Variants in SMARCA4 observed in about 807,000 individuals in gnomAD.
SMARCA4 encodes the protein SWI/SNF related BAF chromatin remodeling complex subunit ATPase 4.
In SMARCA4, 31 loss-of-function variants were observed where a neutral mutation model predicts 193.9. The observed-to-expected ratio is 0.16, with a 90% confidence interval of 0.12 to 0.22. SMARCA4 has a LOEUF of 0.22. SMARCA4 is among the 10% of genes least tolerant of loss of function. The pLI is 1.00. For synonymous variants in SMARCA4, 942 were observed against 933.1 expected, an observed-to-expected ratio of 1.01 and a Z score of -0.17; for missense variants, 1,148 against 2,296.0, an observed-to-expected ratio of 0.50 and a Z score of 10.22.
In SMARCA4 at chr19:10,987,021, T is replaced by C. The variant is rs765237912; in HGVS notation, c.859+18T>C. On this transcript the variant is annotated intron_variant, in intron 5 of 34. Coordinates refer to ENST00000344626, the MANE Select transcript of SMARCA4 (RefSeq NM_003072.5). The surrounding 1 kb of genome is among the most constrained non-coding windows in gnomAD (Gnocchi z 5.3). ...GCCTGAAGGTGAGCTCCCTCTTCTATGGTGGTGCACCCGTGCCCTTACTCC... is the reference window on the plus strand; with the variant it reads ...GCCTGAAGGTGAGCTCCCTCTTCTACGGTGGTGCACCCGTGCCCTTACTCC... The C allele has an allele frequency of 1.3e-6, 2 of 1,570,732 alleles. No individual in the cohort carries two copies. The highest frequency in any genetic ancestry group is 1.1e-5 in the South Asian group (1 of 90,320).
At chr19:11,000,170 T>G (rs1329329535) in intron 11 of SMARCA4, among the ~76,000 whole-genome samples, 6 of 148,478 alleles carry the variant, frequency 4.0e-5, no homozygotes, top group African/African-American at 1.3e-4. Context: ...GAGGTTGCAG[T>G]GAGCCAGGTT....
chr19:11,021,983 T>A lies in SMARCA4; in HGVS notation c.2859+16T>A, dbSNP rs2146424950. 6.2e-7 allele frequency: 1 copy of A among 1,611,600 alleles called. No individual in the cohort carries two copies. The highest frequency in any genetic ancestry group is 1.1e-5 in the South Asian group (1 of 90,990). ...CGGGGAAAAGGTGGGTTTGCCCAGCTGTGCCCATGCTGACGGTTCCAGGTG... is the reference window on the plus strand; with the variant it reads ...CGGGGAAAAGGTGGGTTTGCCCAGCAGTGCCCATGCTGACGGTTCCAGGTG... On this transcript the variant is annotated intron_variant, in intron 19 of 34. Coordinates refer to ENST00000344626, the MANE Select transcript of SMARCA4 (RefSeq NM_003072.5).
At chr19:10,997,533 C>T (rs2087193991) in intron 11 of SMARCA4, among the ~76,000 whole-genome samples, 1 of 152,114 alleles carries the variant, frequency 6.6e-6, no homozygotes, top group Admixed American at 6.6e-5. Flanking sequence ...ACCATGTTGG[C>T]CAGGCTGGTC....
rs942701381 is a variant in SMARCA4 at position 11,059,739 on chromosome 19, G to A, written c.4636-14G>A. On this transcript the variant is annotated splice_polypyrimidine_tract_variant and intron_variant, in intron 32 of 34. Coordinates refer to ENST00000344626, the MANE Select transcript of SMARCA4 (RefSeq NM_003072.5). ...TCGGGCCCATCCACTCAAGCCCCTG[G>A]TGTCTCTGCCCAGATCTATGAAGAC... The A allele has an allele frequency of 1.3e-6, 2 of 1,557,720 alleles. No individual in the cohort carries two copies. Among genetic ancestry groups the A allele is most frequent in the Non-Finnish European group, 1.7e-6 (2 of 1,150,718 alleles).
In SMARCA4 at chr19:10,987,745, C is replaced by T. The variant is rs755971351; in HGVS notation, c.939C>T (p.Pro313=). 3.7e-5 allele frequency: 60 copies of T among 1,601,872 alleles called. No homozygotes were observed. The highest frequency in any genetic ancestry group is 4.8e-5 in the Non-Finnish European group (56 of 1,174,078). ...IPPQPTGRPS[P]APPAVPPAAS... ...CGCAGCCAACGGGCCGCCCTTCCCCCGCGCCCCCTGCCGTCCCACCCGCCG... is the reference window on the plus strand; with the variant it reads ...CGCAGCCAACGGGCCGCCCTTCCCCTGCGCCCCCTGCCGTCCCACCCGCCG... Residue 313 remains proline (P), a synonymous_variant, in exon 6 of 35, where the codon CCC becomes CCT. Coordinates refer to ENST00000344626, the MANE Select transcript of SMARCA4 (RefSeq NM_003072.5). The surrounding 1 kb of genome is among the most constrained non-coding windows in gnomAD (Gnocchi z 5.3).
At chr19:11,036,856 T>C (rs1382714195) in intron 29 of SMARCA4, among the ~76,000 whole-genome samples, 1 of 152,254 alleles carries the variant, frequency 6.6e-6, no homozygotes, top group African/African-American at 2.4e-5. Flanking sequence ...CATATAGTTT[T>C]ACCTGTTCTG....
intron 30 of SMARCA4, among the ~76,000 whole-genome samples, chr19:11,050,788 A>G (rs2076214473): frequency 6.6e-6 from 1 of 152,254 alleles, no homozygotes; most frequent in Non-Finnish European, 1.5e-5. Context: ...CCCCCAGGGC[A>G]GGGCCCCTGA....
At chr19:11,023,287 C>A (rs1413194504) in intron 19 of SMARCA4, among the ~76,000 whole-genome samples, 6 of 152,346 alleles carry the variant, frequency 3.9e-5, no homozygotes, top group Admixed American at 1.3e-4. Context: ...TACTGCGGTT[C>A]CATGTCCCAG....
At position 10,986,727 on chromosome 19, in the gene SMARCA4, T is replaced by G; in HGVS notation, c.760+134T>G. The G allele has an allele frequency of 7.2e-7, 1 of 1,381,448 alleles. No individual in the cohort carries two copies. Among genetic ancestry groups the G allele is most frequent in the Non-Finnish European group, 9.9e-7 (1 of 1,010,590 alleles). The allele number at this position is 1,381,448 out of a possible 1,614,324, so 85.6% of individuals were successfully genotyped here. On this transcript the variant is annotated intron_variant, in intron 4 of 34. Transcript: ENST00000344626. This position sits in a 1 kb window ranked among gnomAD's most constrained non-coding sequence, Gnocchi z 6.7. ...ATTGCACGGGCCCATACTGCACTTC[T>G]GGGTGCTCGGGTGGTGGGGGCAGCT...
chr19:10,968,848 A>G (rs1318789339), intron 1 of SMARCA4, among the ~76,000 whole-genome samples: 2 of 152,170 alleles, frequency 1.3e-5, no homozygotes, highest in Non-Finnish European at 2.9e-5. Context: ...CAGGGAGCTG[A>G]AACTGCCCCT....
At position 11,062,161 on chromosome 19, in the gene SMARCA4, C is replaced by T. The variant is rs912025033; in HGVS notation, c.*345C>T. The T allele has an allele frequency of 3.9e-5, 17 of 431,838 alleles. No homozygotes were observed. The highest frequency in any genetic ancestry group is 7.3e-5 in the Admixed American group (2 of 27,394). The allele number at this position is 431,838 out of a possible 1,614,324, so 26.8% of individuals were successfully genotyped here. A position where few individuals can be genotyped will look rare whatever the true frequency, so the allele number is the denominator to read the frequency against. ...TTAAGTGTGGATGCATGTGCGTCAC[C>T]GTCCACTCCTCCTACTGTATTTTAT... On this transcript the variant is annotated 3_prime_UTR_variant, in exon 35 of 35. Transcript: ENST00000344626.
chr19:10,985,158 G>C lies in SMARCA4; in HGVS notation c.223-115G>C. The C allele has an allele frequency of 9.3e-7, 1 of 1,076,612 alleles. No homozygotes were observed. The highest frequency in any genetic ancestry group is 1.3e-5 in the South Asian group (1 of 78,230). 66.7% of individuals were successfully genotyped at this position (1,076,612 alleles called of 1,614,324 possible). A position where few individuals can be genotyped will look rare whatever the true frequency, so the allele number is the denominator to read the frequency against. On this transcript the variant is annotated intron_variant, in intron 2 of 34. Coordinates refer to ENST00000344626, the MANE Select transcript of SMARCA4 (RefSeq NM_003072.5). The surrounding 1 kb of genome is among the most constrained non-coding windows in gnomAD (Gnocchi z 4.5). ...CATGCTGGGGACTGGGGAGATGCGC[G>C]TCATCTTCGGGTGGCTGTTCTCGGT...
Position 11,019,292 on chromosome 19 carries a change from C to G in SMARCA4, c.2505+269C>G. 1.6e-6 allele frequency: 1 copy of G among 607,824 alleles called. No individual in the cohort carries two copies. The highest frequency in any genetic ancestry group is 2.9e-6 in the Non-Finnish European group (1 of 340,318). 37.7% of individuals were successfully genotyped at this position (607,824 alleles called of 1,614,324 possible). A position where few individuals can be genotyped will look rare whatever the true frequency, so the allele number is the denominator to read the frequency against. ...AGCTCAGGCGCCTGAGATGGGGACC[C>G]AGGAAGAGGGGAGCCTGTCAGCCAC... is the stretch of plus-strand genomic sequence containing the variant. On this transcript the variant is annotated intron_variant, in intron 17 of 34. Coordinates refer to ENST00000344626, the MANE Select transcript of SMARCA4 (RefSeq NM_003072.5). The surrounding 1 kb of genome is among the most constrained non-coding windows in gnomAD (Gnocchi z 6.1).
chr19:10,971,874 C>G (rs752133474), intron 1 of SMARCA4, among the ~76,000 whole-genome samples: 2 of 151,782 alleles, frequency 1.3e-5, no homozygotes, highest in African/African-American at 2.4e-5. Flanking sequence ...CCTCCGCCTC[C>G]CGGGTTCAAG....
At chr19:11,051,945 A>G (rs1367064378) in intron 30 of SMARCA4, among the ~76,000 whole-genome samples, 1 of 152,108 alleles carries the variant, frequency 6.6e-6, no homozygotes, top group Non-Finnish European at 1.5e-5. Flanking sequence ...AAGTACAAAA[A>G]TTAGCCGAGC....
chr19:11,061,324 G>A (rs2076882869), intron 34 of SMARCA4, among the ~76,000 whole-genome samples: 1 of 150,268 alleles, frequency 6.7e-6, no homozygotes. Flanking sequence ...CCAGGCAGGT[G>A]ACATGGGACA....
intron 14 of SMARCA4, among the ~76,000 whole-genome samples, chr19:11,008,818 A>G (rs903680277): frequency 6.6e-6 from 1 of 151,376 alleles, no homozygotes; most frequent in Admixed American, 6.6e-5. Context: ...TACTAAAAAT[A>G]CAAAAATTAG....
In SMARCA4 at chr19:10,984,295, G is replaced by T. The variant is rs1398193826; in HGVS notation, c.144G>T (p.Gly48=). 9 of 1,607,972 alleles carry T rather than the reference G, an allele frequency of 5.6e-6. No homozygotes were observed. Among genetic ancestry groups the T allele is most frequent in the South Asian group, 4.4e-5 (4 of 90,152 alleles). ...ACAGCATGATGGGGCCCAGCCCAGG[G>T]CCGCCCTCAGCAGGACACCCCATCC... The part of the protein sequence containing the change: ...SAHSMMGPSP[G]PPSAGHPIPT... The change falls in exon 2 of 35, where the codon GGG becomes GGT. Residue 48 remains glycine, a synonymous_variant. Coordinates refer to ENST00000344626, the MANE Select transcript of SMARCA4 (RefSeq NM_003072.5). This position sits in a 1 kb window ranked among gnomAD's most constrained non-coding sequence, Gnocchi z 4.3.
chr19:11,010,544 G>A lies in SMARCA4; in HGVS notation c.2274+13G>A, dbSNP rs764057604. 2 of 1,612,610 alleles carry A rather than the reference G, an allele frequency of 1.2e-6. No homozygotes were observed. Among genetic ancestry groups the A allele is most frequent in the African/African-American group, 1.3e-5 (1 of 74,882 alleles). ...CAAACAGTACCAGGTGAGGTAGGGGGTGGGGAGGCCACCGCCACGTAGCTG... is the reference window on the plus strand; with the variant it reads ...CAAACAGTACCAGGTGAGGTAGGGGATGGGGAGGCCACCGCCACGTAGCTG... On this transcript the variant is annotated intron_variant, in intron 15 of 34. Coordinates refer to ENST00000344626, the MANE Select transcript of SMARCA4 (RefSeq NM_003072.5).
Sources: gnomAD v4.1 joint callset for allele counts (sites outside exome capture counted in the v4.1 genomes callset) on GRCh38, gnomAD v4.1.1 for gene constraint, Gnocchi (gnomAD v3.1) non-coding constraint, MANE v1.5 for transcripts, NCBI Gene and HGNC (gene_info 2026-07-23, HGNC 2026-07-21) for gene names.